The following HK1 variants were observed in gnomAD, a reference collection of about 807,000 sequenced individuals.
HK1 encodes hexokinase-1.
A neutral mutation model predicts 91.6 loss-of-function variants in HK1; 28 were observed. That is an observed-to-expected ratio of 0.31 (90% CI 0.23 to 0.42). The LOEUF (loss-of-function observed/expected upper bound fraction) is 0.42. HK1 is among the 10% of genes least tolerant of loss of function. The pLI, the probability that HK1 is intolerant of heterozygous loss-of-function variation, is 1.00. For synonymous variants in HK1, 430 were observed against 468.1 expected, an observed-to-expected ratio of 0.92 and a Z score of 1.05; for missense variants, 770 against 1,219.8, an observed-to-expected ratio of 0.63 and a Z score of 5.49.
In HK1 at chr10:69,275,664, G is replaced by T. The variant is rs567484206; in HGVS notation, c.-391+5556G>T. 1.6e-3 allele frequency among the ~76,000 whole-genome samples: 251 copies of T among 152,246 alleles called. 3 individuals carry two copies. The highest frequency in any genetic ancestry group is 2.3e-3 in the Non-Finnish European group (158 of 68,018). ...CTTTATTTACAAAAATAAGTGACAG[G>T]TTGGATTTGTCCTGCAATTCAGTTT... On this transcript the variant is annotated intron_variant, in intron 1 of 21. Transcript: ENST00000360289.
At chr10:69,276,407 C>T (rs1246638330) in intron 1 of HK1, among the ~76,000 whole-genome samples, 1 of 151,458 alleles carries the variant, frequency 6.6e-6, no homozygotes, top group Non-Finnish European at 1.5e-5. Context: ...GCCTGTAATC[C>T]CAGCACTTTG....
In HK1 at chr10:69,401,656, G is replaced by A. The variant is rs560223647; in HGVS notation, c.*521G>A. On this transcript the variant is annotated 3_prime_UTR_variant, in exon 18 of 18. Coordinates refer to ENST00000359426, the MANE Select transcript of HK1 (RefSeq NM_000188.3). ...ACCCACTGTGGCCTGGCATCGCATC[G>A]TGGTGTGTCAATGCCACAAAATCGT... The A allele has an allele frequency of 1.1e-4, 39 of 354,846 alleles. No homozygotes were observed. The highest frequency in any genetic ancestry group is 6.3e-4 in the African/African-American group (29 of 46,044). The allele number at this position is 354,846 out of a possible 1,614,324, so 22.0% of individuals were successfully genotyped here.
chr10:69,395,596 T>A (rs1589590619), intron 16 of HK1, among the ~76,000 whole-genome samples: 1 of 152,112 alleles, frequency 6.6e-6, no homozygotes, highest in East Asian at 1.9e-4. Flanking sequence ...AATAAGTAAA[T>A]TACTTACTTT....
chr10:69,311,516 A>G (rs1846377359), upstream of HK1, among the ~76,000 whole-genome samples: 1 of 152,200 alleles, frequency 6.6e-6, no homozygotes, highest in African/African-American at 2.4e-5. Flanking sequence ...CTCTGGTCCA[A>G]AAGATAACGA....
chr10:69,358,858 T>C lies in HK1; in HGVS notation c.227-1039T>C, dbSNP rs1849270138. On this transcript the variant is annotated intron_variant, in intron 2 of 17. Transcript: ENST00000359426. ...AGCCTGGGCAACAAGAGCGAAGCTC[T>C]GTCTCAAAAAAAAAAAAAAAAAAAA... Among the ~76,000 whole-genome samples the C allele has an allele frequency of 3.0e-5, 4 of 134,456 alleles. No homozygotes were observed. The South Asian group carries it at 8.8e-4, about 30-fold the overall frequency. The allele number at this position is 134,456 out of a possible 152,430, so 88.2% of individuals were successfully genotyped here.
At chr10:69,273,572 G>C (rs546771360) in intron 1 of HK1, among the ~76,000 whole-genome samples, 1 of 152,128 alleles carries the variant, frequency 6.6e-6, no homozygotes, top group East Asian at 1.9e-4. Flanking sequence ...GGCTGGTGTC[G>C]AACTCCTGAC....
intron 2 of HK1, among the ~76,000 whole-genome samples, chr10:69,286,771 C>A (rs1352513133): frequency 6.6e-6 from 1 of 152,142 alleles, no homozygotes; most frequent in Non-Finnish European, 1.5e-5. Flanking sequence ...TGGTCTCGAA[C>A]TCCTGACCTC....
chr10:69,339,622 G>T (rs757794277), intron 1 of HK1, among the ~76,000 whole-genome samples: 24 of 152,324 alleles, frequency 1.6e-4, no homozygotes, highest in Non-Finnish European at 3.4e-4. Flanking sequence ...ATTTAGCTTG[G>T]TTGTCCTGAA....
chr10:69,280,529 G>A (rs60152206), intron 1 of HK1, among the ~76,000 whole-genome samples: 2,788 of 152,272 alleles, frequency 0.018, 92 homozygotes, highest in African/African-American at 0.062. Flanking sequence ...CCTAATCTCC[G>A]ATATGATAAT....
intron 1 of HK1, among the ~76,000 whole-genome samples, chr10:69,273,719 C>T (rs890624401): frequency 6.6e-6 from 1 of 152,220 alleles, no homozygotes; most frequent in Non-Finnish European, 1.5e-5. Flanking sequence ...TGTGGCCAAC[C>T]TGCTCTTAAG....
chr10:69,330,016 C>G (rs1006697869), intron 1 of HK1, among the ~76,000 whole-genome samples: 2 of 102,752 alleles, frequency 1.9e-5, no homozygotes, highest in Non-Finnish European at 3.8e-5. Flanking sequence ...TAAAAGAGGA[C>G]CCCCCAGGAG....
At chr10:69,307,664 T>G (rs1263554577) in intron 5 of HK1, among the ~76,000 whole-genome samples, 2 of 152,164 alleles carry the variant, frequency 1.3e-5, no homozygotes, top group African/African-American at 4.8e-5. Context: ...ATGGGGATAT[T>G]ACGAGTATCC....
At chr10:69,281,243 G>A (rs777212179) in intron 1 of HK1, among the ~76,000 whole-genome samples, 43 of 152,144 alleles carry the variant, frequency 2.8e-4, no homozygotes, top group Admixed American at 5.2e-4. Flanking sequence ...TAGGTCTGTG[G>A]AAGGGCCCAA....
intron 5 of HK1, among the ~76,000 whole-genome samples, chr10:69,301,590 A>AG (rs1221128337): frequency 5.9e-5 from 9 of 151,280 alleles, no homozygotes; most frequent in African/African-American, 2.2e-4. Flanking sequence ...AAAAAAAAAA[A>AG]AAAAAGAAAA....
chr10:69,287,895 T>C (rs1845103884), intron 2 of HK1, among the ~76,000 whole-genome samples: 1 of 151,906 alleles, frequency 6.6e-6, no homozygotes, highest in South Asian at 2.1e-4. Flanking sequence ...TCCCAGCACT[T>C]TGGGAGGCTG....
chr10:69,317,714 TC>T (rs1457633203), upstream of HK1, among the ~76,000 whole-genome samples: 3 of 152,162 alleles, frequency 2.0e-5, no homozygotes, highest in Non-Finnish European at 4.4e-5. Context: ...ATCTACAACT[TC>T]CTGGCTGTAT....
chr10:69,363,941 AAC>A (rs1451050034), intron 3 of HK1, among the ~76,000 whole-genome samples: 4 of 152,266 alleles, frequency 2.6e-5, no homozygotes, highest in Admixed American at 1.3e-4. Context: ...AATGAGAATG[AAC>A]AGTTGTCAAA....
chr10:69,316,066 G>C (rs1282146645), upstream of HK1: 1 of 1,432,940 alleles, frequency 7.0e-7, no homozygotes, highest in Admixed American at 1.7e-5. Context: ...TAGATGAGAG[G>C]GGATGCTTGG....
intron 5 of HK1, among the ~76,000 whole-genome samples, chr10:69,302,727 G>T (rs545042288): frequency 1.4e-5 from 2 of 143,604 alleles, no homozygotes; most frequent in South Asian, 4.5e-4. Context: ...CTGCACTCCA[G>T]CCTGGGCAAA....
Sources: gnomAD v4.1 joint callset for allele counts (sites outside exome capture counted in the v4.1 genomes callset) on GRCh38, gnomAD v4.1.1 for gene constraint, MANE v1.5 for transcripts, NCBI Gene and HGNC (gene_info 2026-07-23, HGNC 2026-07-21) for gene names.